Variants in TMEM132C observed in about 807,000 individuals in gnomAD.
TMEM132C encodes protein phosphatase 1, regulatory subunit 152.
In TMEM132C, 29 loss-of-function variants were observed where a neutral mutation model predicts 61.4. The observed-to-expected ratio is 0.47, with a 90% confidence interval of 0.35 to 0.64. The LOEUF (loss-of-function observed/expected upper bound fraction) is 0.64. Among genes scored for constraint, TMEM132C ranks in the 30% least tolerant of loss-of-function variants. The pLI is 0.00. For synonymous variants in TMEM132C, 656 were observed against 633.1 expected (o/e 1.04, Z -0.54); for missense variants, 1,408 against 1,476.9 (o/e 0.95, Z 0.76).
intron 1 of TMEM132C, among the ~76,000 whole-genome samples, chr12:128,303,792 A>G (rs1464034270): frequency 6.6e-6 from 1 of 152,192 alleles, no homozygotes; most frequent in Non-Finnish European, 1.5e-5. Flanking sequence ...GTTGGCCAGT[A>G]GGATGAGTTA....
chr12:128,280,867 A>G (rs1411900922), intron 1 of TMEM132C, among the ~76,000 whole-genome samples: 3 of 152,194 alleles, frequency 2.0e-5, no homozygotes, highest in African/African-American at 7.2e-5. Flanking sequence ...CCCAGTCAAT[A>G]GAAAACAATG....
intron 5 of TMEM132C, among the ~76,000 whole-genome samples, chr12:128,690,622 T>C (rs1954712855): frequency 6.6e-6 from 1 of 152,218 alleles, no homozygotes; most frequent in South Asian, 2.1e-4. Flanking sequence ...GATATAACTC[T>C]TGCTCGACTG....
intron 1 of TMEM132C, among the ~76,000 whole-genome samples, chr12:128,392,312 G>A (rs890884353): frequency 1.3e-5 from 2 of 152,184 alleles, no homozygotes; most frequent in East Asian, 1.9e-4. Flanking sequence ...CACCTTCATC[G>A]TGCCTGATGC....
rs547402027 is a variant in TMEM132C at position 128,679,717 on chromosome 12, T to C, written c.1449+10157T>C. 1.3e-4 allele frequency among the ~76,000 whole-genome samples: 20 copies of C among 152,318 alleles called. No homozygotes were observed. In the East Asian group the frequency reaches 3.7e-3, roughly 28 times the overall value. ...CACGTACTATGCTCTGGGGATACAG[T>C]CATGAACCAACTGCGCCAGAACCCC... On this transcript the variant is annotated intron_variant, in intron 5 of 8. Coordinates refer to ENST00000435159, the MANE Select transcript of TMEM132C (RefSeq NM_001136103.3).
chr12:128,641,792 T>A (rs1227650299), intron 4 of TMEM132C, among the ~76,000 whole-genome samples: 1 of 152,180 alleles, frequency 6.6e-6, no homozygotes. Flanking sequence ...CCCGTTTTTA[T>A]TTTTTAAGTT....
chr12:128,342,379 G>A (rs1873004764), intron 1 of TMEM132C, among the ~76,000 whole-genome samples: 3 of 152,308 alleles, frequency 2.0e-5, no homozygotes, highest in Admixed American at 2.0e-4. Context: ...TGTGCTAGAT[G>A]CATTTTGAGA....
chr12:128,325,726 G>C (rs570322097), intron 1 of TMEM132C, among the ~76,000 whole-genome samples: 22 of 152,186 alleles, frequency 1.4e-4, no homozygotes, highest in African/African-American at 4.8e-4. Context: ...TCCAGTTCGG[G>C]GCTTTCACCA....
intron 1 of TMEM132C, among the ~76,000 whole-genome samples, chr12:128,276,700 G>C (rs1870702312): frequency 1.3e-5 from 2 of 152,034 alleles, no homozygotes; most frequent in African/African-American, 4.8e-5. Flanking sequence ...GTTTACTTTT[G>C]CTGTGTTTCC....
intron 2 of TMEM132C, among the ~76,000 whole-genome samples, chr12:128,430,602 T>A (rs1050479650): frequency 2.0e-5 from 3 of 152,356 alleles, no homozygotes; most frequent in Middle Eastern, 3.4e-3. Context: ...AAGCTGAAGG[T>A]TTGTGGTAAC....
intron 8 of TMEM132C, among the ~76,000 whole-genome samples, chr12:128,700,560 T>C (rs1193458454): frequency 6.6e-6 from 1 of 152,210 alleles, no homozygotes; most frequent in Non-Finnish European, 1.5e-5. Context: ...ACTTGCACAC[T>C]GTTCAGTCTT....
At chr12:128,407,595 A>T (rs1214926972) in intron 1 of TMEM132C, among the ~76,000 whole-genome samples, 2 of 152,102 alleles carry the variant, frequency 1.3e-5, no homozygotes, top group Non-Finnish European at 2.9e-5. Flanking sequence ...CTCAGCTGGG[A>T]TCGCACCGCT....
rs554554313 is a variant in TMEM132C at position 128,278,752 on chromosome 12, G to A, written c.85+11265G>A. Among the ~76,000 whole-genome samples the A allele has an allele frequency of 2.5e-3, 196 of 78,822 alleles. 1 individual carries two copies. The highest frequency in any genetic ancestry group is 4.0e-3 in the Non-Finnish European group (156 of 39,490). The allele number at this position is 78,822 out of a possible 152,430, so 51.7% of individuals were successfully genotyped here. On this transcript the variant is annotated intron_variant, in intron 1 of 8. Transcript: ENST00000435159. This position sits in a 1 kb window ranked among gnomAD's most constrained non-coding sequence, Gnocchi z 4.2. ...TGCAGACTTGATTCTATACGTGTAT[G>A]TGTGTGTGTGTGTGTGTGTGTGTGT...
intron 2 of TMEM132C, among the ~76,000 whole-genome samples, chr12:128,423,865 C>T (rs903856337): frequency 2.6e-5 from 4 of 151,572 alleles, no homozygotes; most frequent in African/African-American, 9.7e-5. Flanking sequence ...AACCCCATCT[C>T]TACTTAAAAG....
chr12:128,515,542 A>G (rs1872688743), intron 2 of TMEM132C, among the ~76,000 whole-genome samples: 1 of 152,214 alleles, frequency 6.6e-6, no homozygotes, highest in Admixed American at 6.5e-5. Flanking sequence ...TTGCAGTTGA[A>G]AGTATCTTTG....
At chr12:128,652,864 T>C (rs2135612323) in intron 4 of TMEM132C, among the ~76,000 whole-genome samples, 1 of 152,332 alleles carries the variant, frequency 6.6e-6, no homozygotes, top group East Asian at 1.9e-4. Flanking sequence ...ATAATTCGCC[T>C]TGGGGAAAAG....
chr12:128,536,480 T>C (rs1873532270), intron 2 of TMEM132C, among the ~76,000 whole-genome samples: 1 of 151,926 alleles, frequency 6.6e-6, no homozygotes, highest in Non-Finnish European at 1.5e-5. Flanking sequence ...ACATGGCACA[T>C]GTATCAAACC....
At chr12:128,704,094 A>G (rs1297273536) in intron 8 of TMEM132C, among the ~76,000 whole-genome samples, 1 of 152,216 alleles carries the variant, frequency 6.6e-6, no homozygotes, top group Non-Finnish European at 1.5e-5. Context: ...CCAGTCACAT[A>G]GGCATGGGTG....
chr12:128,492,414 A>G (rs531041111), intron 2 of TMEM132C, among the ~76,000 whole-genome samples: 64 of 152,328 alleles, frequency 4.2e-4, no homozygotes, highest in African/African-American at 1.4e-3. Flanking sequence ...TAGATCCCTG[A>G]GGAATCGCCA....
chr12:128,344,981 G>C (rs940633250), intron 1 of TMEM132C, among the ~76,000 whole-genome samples: 1 of 146,462 alleles, frequency 6.8e-6, no homozygotes, highest in Non-Finnish European at 1.5e-5. Flanking sequence ...GGCTCTAGTG[G>C]TTTGCTGCAC....
Sources: gnomAD v4.1 joint callset for allele counts (sites outside exome capture counted in the v4.1 genomes callset) on GRCh38, gnomAD v4.1.1 for gene constraint, Gnocchi (gnomAD v3.1) non-coding constraint, MANE v1.5 for transcripts, NCBI Gene and HGNC (gene_info 2026-07-23, HGNC 2026-07-21) for gene names.